Variants in ISLR2 observed in about 807,000 individuals in gnomAD.
ISLR2 encodes immunoglobulin superfamily containing leucine rich repeat 2.
Under a neutral mutation model 25.5 loss-of-function variants are expected in ISLR2, and 16 were observed. That is an observed-to-expected ratio of 0.63 (90% CI 0.43 to 0.95). The LOEUF (loss-of-function observed/expected upper bound fraction) is 0.95. Among genes scored for constraint, ISLR2 ranks in the 40% least tolerant of loss-of-function variants. ISLR2 has a pLI of 0.00. For missense variants in ISLR2, 883 were observed against 1,030.7 expected, an observed-to-expected ratio of 0.86 and a Z score of 1.96; for synonymous variants, 508 against 486.6, an observed-to-expected ratio of 1.04 and a Z score of -0.58.
At chr15:74,139,326 A>G (rs745657726), downstream of ISLR2, among the ~76,000 whole-genome samples, 4 of 152,254 alleles carry the variant, frequency 2.6e-5, no homozygotes, top group Admixed American at 6.5e-5. Context: ...GCCAATGCAC[A>G]GAATGGTCCC....
At chr15:74,125,052 C>A (rs1467077959), upstream of ISLR2, among the ~76,000 whole-genome samples, 2 of 152,166 alleles carry the variant, frequency 1.3e-5, no homozygotes, top group African/African-American at 2.4e-5. Flanking sequence ...CATCCCCAGC[C>A]CCCACTCCCC....
At chr15:74,138,849 C>T (rs889924101), downstream of ISLR2, among the ~76,000 whole-genome samples, 3 of 152,216 alleles carry the variant, frequency 2.0e-5, no homozygotes, top group East Asian at 1.9e-4. Flanking sequence ...CCGCTGAGCA[C>T]GGGGCAAGGA....
downstream of ISLR2, among the ~76,000 whole-genome samples, chr15:74,140,433 C>T (rs1174746704): frequency 2.0e-5 from 3 of 152,180 alleles, no homozygotes; most frequent in Non-Finnish European, 2.9e-5. Context: ...TACCCTGCCC[C>T]ACATTTGTTA....
chr15:74,136,360 T>A lies in ISLR2; in HGVS notation c.*1368T>A, dbSNP rs1430176601. 1.2e-5 allele frequency: 2 copies of A among 165,136 alleles called. No homozygotes were observed. The highest frequency in any genetic ancestry group is 3.9e-4 in the East Asian group (2 of 5,170). The allele number at this position is 165,136 out of a possible 1,614,324, so 10.2% of individuals were successfully genotyped here. On this transcript the variant is annotated 3_prime_UTR_variant, in exon 3 of 3. Transcript: ENST00000453268. ...CCCTAGTTCGCACAAAGCCTGCTCG[T>A]GACTGTGCGACTGTGCGACGGGATC...
At position 74,132,302 on chromosome 15, in the gene ISLR2, G is replaced by C. The variant is rs772457141; in HGVS notation, c.-8-445G>C. ...TATTGTTGTGTGCCTGCATGGGCGT[G>C]TGTGCGAGTGCTGTGCGTGGGACAA... is the stretch of plus-strand genomic sequence containing the variant. On this transcript the variant is annotated intron_variant, in intron 2 of 2. Transcript: ENST00000453268. The surrounding 1 kb of genome is among the most constrained non-coding windows in gnomAD (Gnocchi z 4.3). Among the ~76,000 whole-genome samples the C allele has an allele frequency of 6.6e-6, 1 of 152,248 alleles. No individual in the cohort carries two copies. Among genetic ancestry groups the C allele is most frequent in the Non-Finnish European group, 1.5e-5 (1 of 68,040 alleles).
At chr15:74,130,780 C>G (rs2072394482) in intron 1 of ISLR2, among the ~76,000 whole-genome samples, 159 bp downstream of exon 1, 1 of 151,606 alleles carries the variant, frequency 6.6e-6, no homozygotes, top group African/African-American at 2.4e-5. Context: ...TGAAGGTCGG[C>G]TATGGGGAGG....
intron 2 of ISLR2, among the ~76,000 whole-genome samples, chr15:74,122,705 A>C (rs1157033208): frequency 1.3e-5 from 2 of 152,198 alleles, no homozygotes; most frequent in African/African-American, 4.8e-5. Flanking sequence ...AGTCTATTGA[A>C]AGCAAGAGAC....
In ISLR2 at chr15:74,103,339, A is replaced by G. The variant is rs544082007; in HGVS notation, n.160-507A>G. On this transcript the variant is annotated intron_variant and non_coding_transcript_variant, in intron 1 of 3. Transcript: ENST00000561975. ...TACTTCAGGCTGGGTGCAGTGGCTG[A>G]TGCCTATAATCCCAGGACTTCTGGA... 1.8e-3 allele frequency among the ~76,000 whole-genome samples: 265 copies of G among 151,204 alleles called. 5 individuals are homozygous for G. Among genetic ancestry groups the G allele is most frequent in the Non-Finnish European group, 1.8e-3 (120 of 68,030 alleles).
chr15:74,103,776 G>A (rs2072098654), intron 1 of ISLR2: 1 of 136,896 alleles, frequency 7.3e-6, no homozygotes, highest in Admixed American at 7.5e-5. Context: ...TGAATCATGG[G>A]GGTGGTTTCT....
In ISLR2 at chr15:74,135,219, C is replaced by T; in HGVS notation, c.*227C>T. ...CTCCCTGCGGGCTGAATCCCCTTCC[C>T]CGCCAAGCACAGTGTTTATCTTACC... On this transcript the variant is annotated 3_prime_UTR_variant, in exon 3 of 3. Coordinates refer to ENST00000453268, the MANE Select transcript of ISLR2 (RefSeq NM_020851.3). 1 of 596,710 alleles carries T rather than the reference C, an allele frequency of 1.7e-6. No individual in the cohort carries two copies. The allele number at this position is 596,710 out of a possible 1,614,324, so 37.0% of individuals were successfully genotyped here.
chr15:74,141,147 G>A (rs2031259229), downstream of ISLR2, among the ~76,000 whole-genome samples: 1 of 152,230 alleles, frequency 6.6e-6, no homozygotes, highest in Non-Finnish European at 1.5e-5. Context: ...TGTGCTAATT[G>A]TGTGTGCTTT....
chr15:74,135,062 G>C lies in ISLR2; in HGVS notation c.*70G>C. The stretch of plus-strand genomic sequence containing the variant: ...TGCCTGGGAGCAGCAGTCTAGGGCT[G>C]GCAGGACTTATGTCCCCCGTCCCCA... On this transcript the variant is annotated 3_prime_UTR_variant, in exon 3 of 3. Coordinates refer to ENST00000453268, the MANE Select transcript of ISLR2 (RefSeq NM_020851.3). 6.5e-7 allele frequency: 1 copy of C among 1,545,946 alleles called. No individual in the cohort carries two copies. The highest frequency in any genetic ancestry group is 8.8e-7 in the Non-Finnish European group (1 of 1,140,646).
At chr15:74,128,012 A>C, upstream of ISLR2, 4 of 172,450 alleles carry the variant, frequency 2.3e-5, no homozygotes, top group Non-Finnish European at 4.9e-5. Flanking sequence ...CTACTTCCAC[A>C]CACCTGATTA....
chr15:74,120,101 C>T (rs377458360), intron 2 of ISLR2, among the ~76,000 whole-genome samples: 1 of 152,336 alleles, frequency 6.6e-6, no homozygotes, highest in East Asian at 1.9e-4. Flanking sequence ...GTGCAGGCTC[C>T]AAGCGCTTGC....
intron 2 of ISLR2, among the ~76,000 whole-genome samples, chr15:74,118,144 T>C: frequency 6.6e-6 from 1 of 151,836 alleles, no homozygotes; most frequent in East Asian, 1.9e-4. Context: ...AGGGAAAGAG[T>C]ACAAAAGAGA....
intron 1 of ISLR2, among the ~76,000 whole-genome samples, chr15:74,102,508 G>A (rs1277676115): frequency 1.3e-5 from 2 of 148,344 alleles, no homozygotes; most frequent in Non-Finnish European, 3.0e-5. Context: ...ACTATTTAGA[G>A]CAGTGTTTCT....
At chr15:74,111,102 T>G (rs2072162914) in intron 2 of ISLR2, among the ~76,000 whole-genome samples, 2 of 128,538 alleles carry the variant, frequency 1.6e-5, no homozygotes, top group Non-Finnish European at 3.1e-5. Context: ...ATCGCGCCAC[T>G]GAACTCCAGC....
At chr15:74,128,117 G>A, upstream of ISLR2, 1 of 283,444 alleles carries the variant, frequency 3.5e-6, no homozygotes, top group Non-Finnish European at 6.8e-6. Flanking sequence ...CATTATTAAC[G>A]TTATAAACAT....
chr15:74,139,212 A>C (rs2072597483), downstream of ISLR2, among the ~76,000 whole-genome samples: 1 of 152,116 alleles, frequency 6.6e-6, no homozygotes. Flanking sequence ...GGTAGGAATG[A>C]ATACGTGTTG....
Sources: gnomAD v4.1 joint callset for allele counts (sites outside exome capture counted in the v4.1 genomes callset) on GRCh38, gnomAD v4.1.1 for gene constraint, Gnocchi (gnomAD v3.1) non-coding constraint, MANE v1.5 for transcripts, NCBI Gene and HGNC (gene_info 2026-07-23, HGNC 2026-07-21) for gene names.